Variants in CDC42BPA observed in about 807,000 individuals in gnomAD.
CDC42BPA encodes CDC42 binding protein kinase alpha.
A neutral mutation model predicts 223.5 loss-of-function variants in CDC42BPA; 80 were observed. That is an observed-to-expected ratio of 0.36 (90% CI 0.30 to 0.43). CDC42BPA has a LOEUF of 0.43. Ranked by LOEUF, CDC42BPA falls within the 20% of genes least tolerant of loss-of-function variation. CDC42BPA has a pLI of 1.00. For synonymous variants in CDC42BPA, 694 were observed against 718.6 expected, an observed-to-expected ratio of 0.97 and a Z score of 0.55; for missense variants, 1,743 against 2,099.9, an observed-to-expected ratio of 0.83 and a Z score of 3.32.
intron 1 of CDC42BPA, among the ~76,000 whole-genome samples, chr1:227,303,723 G>A (rs916049185): frequency 6.6e-6 from 1 of 152,158 alleles, no homozygotes; most frequent in Non-Finnish European, 1.5e-5. Context: ...GACCTCCTAA[G>A]TCATTACCAC....
intron 21 of CDC42BPA, among the ~76,000 whole-genome samples, chr1:227,061,456 A>G (rs1025621724): frequency 2.6e-5 from 4 of 152,234 alleles, no homozygotes; most frequent in Non-Finnish European, 5.9e-5. Flanking sequence ...AACTTGCCTA[A>G]GGTTATAAAA....
intron 2 of CDC42BPA, among the ~76,000 whole-genome samples, chr1:227,216,295 C>T (rs1674835351): frequency 6.6e-6 from 1 of 152,186 alleles, no homozygotes; most frequent in Admixed American, 6.5e-5. Flanking sequence ...CCACACATCA[C>T]ATCCTGGTCA....
intron 1 of CDC42BPA, among the ~76,000 whole-genome samples, chr1:227,294,599 G>A (rs1176354231): frequency 2.7e-5 from 2 of 72,998 alleles, no homozygotes; most frequent in African/African-American, 5.6e-5. Flanking sequence ...GGTGGCTCAC[G>A]CCTGTAATCC....
intron 30 of CDC42BPA, among the ~76,000 whole-genome samples, chr1:227,027,702 C>A (rs1668526603): frequency 6.6e-6 from 1 of 152,192 alleles, no homozygotes; most frequent in African/African-American, 2.4e-5. Context: ...TTCCACTGCA[C>A]CCCATGCTCT....
intron 5 of CDC42BPA, among the ~76,000 whole-genome samples, chr1:227,160,869 T>C (rs2149805158): frequency 6.6e-6 from 1 of 152,336 alleles, no homozygotes; most frequent in African/African-American, 2.4e-5. Context: ...GTAATTTTCA[T>C]TCTGGTTAAA....
At chr1:227,030,912 C>T (rs1042386738) in intron 28 of CDC42BPA, among the ~76,000 whole-genome samples, 1 of 152,142 alleles carries the variant, frequency 6.6e-6, no homozygotes, top group African/African-American at 2.4e-5. Context: ...CTTTCTTATG[C>T]AGGGCACTCT....
intron 2 of CDC42BPA, among the ~76,000 whole-genome samples, chr1:227,214,610 A>C (rs1400864121): frequency 6.6e-6 from 1 of 152,192 alleles, no homozygotes; most frequent in African/African-American, 2.4e-5. Context: ...GAGGGACAGG[A>C]GCACTAAGCT....
At chr1:227,236,460 G>A (rs1679040683) in intron 2 of CDC42BPA, among the ~76,000 whole-genome samples, 1 of 152,030 alleles carries the variant, frequency 6.6e-6, no homozygotes, top group Non-Finnish European at 1.5e-5. Flanking sequence ...CAAAGTTTTT[G>A]TATTTCCTCA....
intron 1 of CDC42BPA, among the ~76,000 whole-genome samples, chr1:227,261,118 G>GTTTTTTTTTTT (rs1351313489): frequency 7.8e-5 from 4 of 51,168 alleles, no homozygotes; most frequent in South Asian, 1.9e-3. Context: ...GAATAATTGA[G>GTTTTTTTTTTT]TTTTTCTTTT....
At chr1:227,019,328 T>C (rs2148530100) in intron 32 of CDC42BPA, among the ~76,000 whole-genome samples, 1 of 152,312 alleles carries the variant, frequency 6.6e-6, no homozygotes, top group South Asian at 2.1e-4. Flanking sequence ...CAGTCTCCAC[T>C]TCTAATTCTA....
At chr1:227,035,644 C>T (rs1487191769) in intron 24 of CDC42BPA, 37 bp from the exon 25 acceptor site, 1 of 1,527,858 alleles carries the variant, frequency 6.5e-7, no homozygotes, top group African/African-American at 1.4e-5. Flanking sequence ...GATAAAAATT[C>T]ATTTTAACAA....
At chr1:227,305,204 A>G (rs1350637382) in intron 1 of CDC42BPA, among the ~76,000 whole-genome samples, 2 of 152,190 alleles carry the variant, frequency 1.3e-5, no homozygotes, top group Non-Finnish European at 2.9e-5. Flanking sequence ...ATTATACTAT[A>G]CTTGCAATGT....
chr1:227,026,466 C>A (rs1415335876), intron 30 of CDC42BPA, among the ~76,000 whole-genome samples: 1 of 152,030 alleles, frequency 6.6e-6, no homozygotes, highest in Non-Finnish European at 1.5e-5. Flanking sequence ...TATTTGATTC[C>A]TAAAAGTAGT....
intron 3 of CDC42BPA, among the ~76,000 whole-genome samples, chr1:227,206,371 T>A (rs1415299411): frequency 1.3e-5 from 2 of 152,192 alleles, no homozygotes; most frequent in Admixed American, 1.3e-4. Context: ...TTATTATACC[T>A]TTCTGCCCAG....
At chr1:227,010,307 T>C (rs1398512524) in intron 34 of CDC42BPA, among the ~76,000 whole-genome samples, 2 of 152,224 alleles carry the variant, frequency 1.3e-5, no homozygotes, top group Non-Finnish European at 2.9e-5. Flanking sequence ...TGCATTTCAG[T>C]AACTCAAAGA....
In CDC42BPA at chr1:227,074,446, A is replaced by C. The variant is rs189552479; in HGVS notation, c.2481-82T>G. On this transcript the variant is annotated intron_variant, in intron 17 of 36. Transcript: ENST00000366766. ...ATGTTATTTTAAAGCTTCCTAAAGA[A>C]ATAAGTGGTAGGAAATTCAAAGATA... The C allele has an allele frequency of 5.7e-5, 56 of 979,598 alleles. No homozygotes were observed. The African/African-American group carries it at 9.0e-4, about 16-fold the overall frequency. The allele number at this position is 979,598 out of a possible 1,614,324, so 60.7% of individuals were successfully genotyped here. A position where few individuals can be genotyped will look rare whatever the true frequency, so the allele number is the denominator to read the frequency against.
intron 5 of CDC42BPA, among the ~76,000 whole-genome samples, chr1:227,188,265 T>A (rs1330427083): frequency 6.6e-6 from 1 of 151,276 alleles, no homozygotes; most frequent in Non-Finnish European, 1.5e-5. Context: ...ATTCTGTTAT[T>A]ACAAGGTACT....
intron 6 of CDC42BPA, among the ~76,000 whole-genome samples, chr1:227,153,236 A>G (rs893274989): frequency 2.2e-4 from 7 of 31,576 alleles, no homozygotes; most frequent in African/African-American, 6.5e-4. Flanking sequence ...CAAAAGTTAG[A>G]AAAAAAAAGT....
chr1:227,130,019 T>C (rs1053973863), intron 10 of CDC42BPA, among the ~76,000 whole-genome samples: 6 of 152,198 alleles, frequency 3.9e-5, no homozygotes, highest in African/African-American at 1.4e-4. Context: ...AAATAGAAAA[T>C]ATTAATTTAT....
Sources: gnomAD v4.1 joint callset for allele counts (sites outside exome capture counted in the v4.1 genomes callset) on GRCh38, gnomAD v4.1.1 for gene constraint, MANE v1.5 for transcripts, NCBI Gene and HGNC (gene_info 2026-07-23, HGNC 2026-07-21) for gene names.